KLF8: variants seen among roughly 807,000 people sequenced by gnomAD.
KLF8 encodes the protein KLF transcription factor 8, also known as Krueppel-like factor 8.
Under a neutral mutation model 18.2 loss-of-function variants are expected in KLF8, and 10 were observed. The observed-to-expected ratio is 0.55, with a 90% CI of 0.34 to 0.93. The LOEUF is 0.93. KLF8 is among the 40% of genes least tolerant of loss of function. The probability of loss-of-function intolerance (pLI) is 0.02; values close to 1 mark genes in which losing one functional copy is unlikely to be tolerated. For missense variants in KLF8, 264 were observed against 277.9 expected (o/e 0.95, Z 0.36); for synonymous variants, 109 against 97.3 (o/e 1.12, Z -0.71).
the KLF8 span, among the ~76,000 whole-genome samples, chrX:55,931,795 T>C: frequency 9.0e-6 from 1 of 111,501 alleles, no homozygotes; most frequent in Non-Finnish European, 1.9e-5. Flanking sequence ...AATTATGTGA[T>C]CAATTTTGGA....
the KLF8 span, among the ~76,000 whole-genome samples, chrX:56,041,662 C>A: frequency 6.4e-5 from 5 of 77,851 alleles, no homozygotes; most frequent in Non-Finnish European, 1.3e-4. Context: ...TGAGATCTCT[C>A]TAGTTTTGTT....
At chrX:56,082,673 C>T in the KLF8 span, among the ~76,000 whole-genome samples, 5 of 110,324 alleles carry the variant, frequency 4.5e-5, no homozygotes, top group African/African-American at 6.6e-5. Context: ...GATATTTTAC[C>T]ATTTCTCTCA....
the KLF8 span, among the ~76,000 whole-genome samples, chrX:55,989,989 C>G: frequency 9.0e-6 from 1 of 111,519 alleles, no homozygotes; most frequent in Non-Finnish European, 1.9e-5. Context: ...GTTTATTTGC[C>G]TAGAGGTGTT....
At chrX:55,972,323 G>T in the KLF8 span, among the ~76,000 whole-genome samples, 1 of 111,040 alleles carries the variant, frequency 9.0e-6, no homozygotes, top group Non-Finnish European at 1.9e-5. Flanking sequence ...ATTTGTGGGA[G>T]CTAAAAATAA....
chrX:55,978,966 G>A, the KLF8 span, among the ~76,000 whole-genome samples: 2 of 111,547 alleles, frequency 1.8e-5, no homozygotes, highest in African/African-American at 6.5e-5. Flanking sequence ...TTGGACTTGG[G>A]TAGACTGCAG....
chrX:55,996,180 T>C, the KLF8 span, among the ~76,000 whole-genome samples: 3 of 112,225 alleles, frequency 2.7e-5, no homozygotes, highest in Non-Finnish European at 5.6e-5. Context: ...GATTGTATTA[T>C]GAAATTCTTG....
chrX:55,991,052 C>A, the KLF8 span, among the ~76,000 whole-genome samples: 1 of 112,220 alleles, frequency 8.9e-6, no homozygotes, highest in Non-Finnish European at 1.9e-5. Flanking sequence ...TTTAAGTCTG[C>A]GGAGTTTTCT....
At chrX:55,973,322 A>G in the KLF8 span, among the ~76,000 whole-genome samples, 1 of 112,140 alleles carries the variant, frequency 8.9e-6, no homozygotes, top group Non-Finnish European at 1.9e-5. Flanking sequence ...AAGACTCCAA[A>G]AGCAATATCA....
At chrX:56,179,734 A>C in the KLF8 span, among the ~76,000 whole-genome samples, 1 of 111,866 alleles carries the variant, frequency 8.9e-6, no homozygotes, top group Non-Finnish European at 1.9e-5. Flanking sequence ...CCTTTATTGC[A>C]TCTATTGAGA....
the KLF8 span, among the ~76,000 whole-genome samples, chrX:56,186,841 A>G: frequency 8.9e-6 from 1 of 112,281 alleles, no homozygotes; most frequent in Non-Finnish European, 1.9e-5. Context: ...GAACAAAGAC[A>G]CAACATACCA....
At chrX:56,268,587 C>A in intron 3 of KLF8, 1 of 310,127 alleles carries the variant, frequency 3.2e-6, no homozygotes, top group Non-Finnish European at 4.3e-6. Flanking sequence ...ATATCACATA[C>A]ATGCACAAAC....
chrX:56,142,643 T>TA, the KLF8 span, among the ~76,000 whole-genome samples: 1 of 112,228 alleles, frequency 8.9e-6, no homozygotes, highest in Non-Finnish European at 1.9e-5. Flanking sequence ...GGATATCTGT[T>TA]AGGCATCTCA....
chrX:55,925,400 GCACA>G, the KLF8 span, among the ~76,000 whole-genome samples: 6 of 107,688 alleles, frequency 5.6e-5, no homozygotes, highest in Non-Finnish European at 9.6e-5. Flanking sequence ...ACACACGCAT[GCACA>G]CACACACACA....
the KLF8 span, among the ~76,000 whole-genome samples, chrX:56,099,381 A>T: frequency 9.0e-6 from 1 of 110,930 alleles, no homozygotes; most frequent in African/African-American, 3.3e-5. Context: ...CTCTCCTCAG[A>T]CCTCTCTATT....
the KLF8 span, among the ~76,000 whole-genome samples, chrX:56,003,404 C>T: frequency 1.4e-4 from 13 of 92,152 alleles, no homozygotes; most frequent in South Asian, 5.1e-4. Flanking sequence ...AGCGAGACTC[C>T]GTAAAATAAA....
At chrX:56,122,551 G>A in the KLF8 span, among the ~76,000 whole-genome samples, 1 of 110,912 alleles carries the variant, frequency 9.0e-6, no homozygotes, top group Non-Finnish European at 1.9e-5. Flanking sequence ...CTATGATAGT[G>A]GAACATTTCT....
intron 5 of KLF8, among the ~76,000 whole-genome samples, chrX:56,284,063 G>T (rs923157798): frequency 7.1e-5 from 8 of 112,034 alleles, no homozygotes; most frequent in Non-Finnish European, 1.5e-4. Flanking sequence ...AAGTATATAG[G>T]TAATATGTAT....
the KLF8 span, among the ~76,000 whole-genome samples, chrX:56,085,214 TA>T: frequency 9.0e-6 from 1 of 111,300 alleles, no homozygotes; most frequent in Admixed American, 9.5e-5. Context: ...CTAGATATGT[TA>T]ATTAAGGTTC....
the KLF8 span, among the ~76,000 whole-genome samples, chrX:56,047,286 T>C: frequency 1.8e-5 from 2 of 110,218 alleles, no homozygotes; most frequent in Non-Finnish European, 3.8e-5. Flanking sequence ...ATTATTATAC[T>C]TTAAGTTTTA....
Sources: gnomAD v4.1 joint callset for allele counts (sites outside exome capture counted in the v4.1 genomes callset) on GRCh38, gnomAD v4.1.1 for gene constraint, MANE v1.5 for transcripts, NCBI Gene and HGNC (gene_info 2026-07-23, HGNC 2026-07-21) for gene names.